Variants in GNAS observed in about 807,000 individuals in gnomAD.
The protein encoded by GNAS is protein ALEX.
GNAS carries 8 observed loss-of-function variants against 54.5 expected under a neutral mutation model. The observed-to-expected ratio is 0.15, with a 90% CI of 0.09 to 0.26. The LOEUF is 0.26. GNAS is among the 10% of genes least tolerant of loss of function. GNAS has a pLI of 1.00. For missense variants in GNAS, 170 were observed against 529.8 expected (o/e 0.32, Z 6.67); for synonymous variants, 204 against 191.4 (o/e 1.07, Z -0.54).
chr20:58,855,672 CCCGGGGCCCCGGGA>C, intron 1 of GNAS: 1 of 687,336 alleles, frequency 1.5e-6, no homozygotes, highest in Non-Finnish European at 2.7e-6. Flanking sequence ...GGGGAGGGGC[CCCGGGGCCCCGGGA>C]CTCCCCTGGC....
rs1237407522 is a variant in GNAS, at chr20:58,856,550, T to C, written c.43+15664T>C. The C allele has an allele frequency of 6.6e-6, 1 of 152,626 alleles. No individual in the cohort carries two copies. The highest frequency in any genetic ancestry group is 1.9e-4 in the East Asian group (1 of 5,192). The allele number at this position is 152,626 out of a possible 1,614,324, so 9.5% of individuals were successfully genotyped here. ...TAAAATAAAAGTTTTCAAAAAATGCTCTGAGTGTATTTGAAGTGTGTGGAC... is the reference window on the plus strand; with the variant it reads ...TAAAATAAAAGTTTTCAAAAAATGCCCTGAGTGTATTTGAAGTGTGTGGAC... On this transcript the variant is annotated intron_variant, in intron 1 of 12. Transcript: ENST00000306090. The surrounding 1 kb of genome is among the most constrained non-coding windows in gnomAD (Gnocchi z 4.2).
At chr20:58,843,746 T>C (rs2085833662) in intron 1 of GNAS, among the ~76,000 whole-genome samples, 1 of 152,216 alleles carries the variant, frequency 6.6e-6, no homozygotes, top group South Asian at 2.1e-4. Flanking sequence ...ATTTGCTTAA[T>C]GGAAATTTGC....
Position 58,909,094 on chromosome 20 carries a change from A to C in GNAS, c.531-68A>C. ...TTCCGTTGAGCCTGACCTTGTAGAGAGACACAAATAGTTGGCAAATTGATG... is the reference window on the plus strand; with the variant it reads ...TTCCGTTGAGCCTGACCTTGTAGAGCGACACAAATAGTTGGCAAATTGATG... On this transcript the variant is annotated intron_variant, in intron 6 of 12. Transcript: ENST00000371085. This position sits in a 1 kb window ranked among gnomAD's most constrained non-coding sequence, Gnocchi z 7.3. 7.6e-7 allele frequency: 1 copy of C among 1,312,438 alleles called. No homozygotes were observed. Among genetic ancestry groups the C allele is most frequent in the South Asian group, 1.2e-5 (1 of 85,000 alleles). 81.3% of individuals were successfully genotyped at this position (1,312,438 alleles called of 1,614,324 possible). A position where few individuals can be genotyped will look rare whatever the true frequency, so the allele number is the denominator to read the frequency against.
At chr20:58,899,446 A>G (rs775749563) in intron 3 of GNAS, 1 of 537,046 alleles carries the variant, frequency 1.9e-6, no homozygotes, top group Non-Finnish European at 3.7e-6. Flanking sequence ...ACCGTCTTTA[A>G]TTTTGAAAAA....
Position 58,909,637 on chromosome 20 carries a change from G to GA in GNAS, c.719-46dup, listed in dbSNP as rs1261293426. The stretch of plus-strand genomic sequence containing the variant: ...AACGCTTTGCTTCTGTGTTGTTAGG[G>GA]ATCAGGGTCGCTGCTCACGCTCTTG... On this transcript the variant is annotated intron_variant, in intron 9 of 12. Transcript: ENST00000371085. This position sits in a 1 kb window ranked among gnomAD's most constrained non-coding sequence, Gnocchi z 7.3. The GA allele has an allele frequency of 1.2e-6, 2 of 1,614,004 alleles. No individual in the cohort carries two copies. The highest frequency in any genetic ancestry group is 1.7e-6 in the Non-Finnish European group (2 of 1,179,998).
At chr20:58,845,861 G>A (rs1361727530) in intron 1 of GNAS, among the ~76,000 whole-genome samples, 2 of 152,224 alleles carry the variant, frequency 1.3e-5, no homozygotes, top group Admixed American at 6.5e-5. Flanking sequence ...AGCCAGCAGA[G>A]GCAGGACTCT....
intron 1 of GNAS, among the ~76,000 whole-genome samples, chr20:58,852,078 C>T (rs1405501661): frequency 6.6e-6 from 1 of 152,064 alleles, no homozygotes; most frequent in Non-Finnish European, 1.5e-5. Flanking sequence ...GTGAGGTCCT[C>T]CTCTGCGCAG....
intron 6 of GNAS, among the ~76,000 whole-genome samples, chr20:58,907,284 A>G (rs192945384): frequency 5.3e-5 from 8 of 152,312 alleles, no homozygotes; most frequent in African/African-American, 1.7e-4. Context: ...GCAAATGTGT[A>G]TATTTTTTCA....
intron 1 of GNAS, among the ~76,000 whole-genome samples, chr20:58,883,414 T>C (rs955984537): frequency 6.6e-6 from 1 of 152,150 alleles, no homozygotes; most frequent in Non-Finnish European, 1.5e-5. Flanking sequence ...CTTCCCAGTA[T>C]TGGGCGGCGT....
chr20:58,858,864 G>A (rs1314971499), intron 1 of GNAS, among the ~76,000 whole-genome samples: 1 of 151,926 alleles, frequency 6.6e-6, no homozygotes, highest in African/African-American at 2.4e-5. Flanking sequence ...TTTTGGTGTG[G>A]TAGGAAGGAC....
rs531887429 is a variant in GNAS at position 58,874,588 on chromosome 20, C to G, written c.44-21024C>G. Among the ~76,000 whole-genome samples, 3 of 152,308 alleles carry G rather than the reference C, an allele frequency of 2.0e-5. No homozygotes were observed. In the East Asian group the frequency reaches 5.8e-4, roughly 29 times the overall value. ...GGCTGGCCCCCGTCTTAGCTCTAGC[C>G]TTACATCTTAGCTCCTGGCCTGCCC... On this transcript the variant is annotated intron_variant, in intron 1 of 12. Coordinates refer to the GNAS transcript ENST00000306090.
rs1294653012 is a variant in GNAS, at chr20:58,911,124, A to T, written c.*295A>T. The T allele has an allele frequency of 1.8e-6, 1 of 556,836 alleles. No homozygotes were observed. Among genetic ancestry groups the T allele is most frequent in the African/African-American group, 1.9e-5 (1 of 53,234 alleles). The allele number at this position is 556,836 out of a possible 1,614,324, so 34.5% of individuals were successfully genotyped here. A position where few individuals can be genotyped will look rare whatever the true frequency, so the allele number is the denominator to read the frequency against. On this transcript the variant is annotated 3_prime_UTR_variant, in exon 13 of 13. Coordinates refer to ENST00000371085, the MANE Select transcript of GNAS (RefSeq NM_000516.7). ...ACAAATAAAATGAAATAAAAGAAACAAATGAAATAAATATTGTGTTGTGCA... is the reference window on the plus strand; with the variant it reads ...ACAAATAAAATGAAATAAAAGAAACTAATGAAATAAATATTGTGTTGTGCA...
At chr20:58,903,850 A>C in intron 5 of GNAS, 59 bp downstream of exon 5, 1 of 1,596,544 alleles carries the variant, frequency 6.3e-7, no homozygotes, top group Non-Finnish European at 8.6e-7. Flanking sequence ...CAGTGTCCAT[A>C]TAGGAACATG....
chr20:58,855,248 A>G (rs1382472161), intron 1 of GNAS: 7 of 1,590,896 alleles, frequency 4.4e-6, no homozygotes, highest in Non-Finnish European at 3.4e-6. Context: ...AGAAGCGCGC[A>G]GAGAAGAAAC....
rs1202461698 is a variant in GNAS at position 58,856,368 on chromosome 20, G to C, written c.43+15482G>C. On this transcript the variant is annotated intron_variant, in intron 1 of 12. Transcript: ENST00000306090. This position sits in a 1 kb window ranked among gnomAD's most constrained non-coding sequence, Gnocchi z 4.2. ...GGGCTGGTTCCAAGGGGGTGGGCGT[G>C]GCTGTGTTTAAAAAATATGAAATAA... is the stretch of plus-strand genomic sequence containing the variant. The C allele has an allele frequency of 6.6e-6, 1 of 152,594 alleles. No individual in the cohort carries two copies. Among genetic ancestry groups the C allele is most frequent in the Non-Finnish European group, 1.5e-5 (1 of 68,074 alleles). 9.5% of individuals were successfully genotyped at this position (152,594 alleles called of 1,614,324 possible).
chr20:58,844,535 C>A (rs909265231), intron 1 of GNAS, among the ~76,000 whole-genome samples: 2 of 152,152 alleles, frequency 1.3e-5, no homozygotes, highest in Non-Finnish European at 2.9e-5. Flanking sequence ...GGTCAAGTGG[C>A]CTTAGGTCAG....
intron 1 of GNAS, among the ~76,000 whole-genome samples, chr20:58,881,090 G>A (rs1448688658): frequency 6.6e-6 from 1 of 152,184 alleles, no homozygotes; most frequent in East Asian, 1.9e-4. Flanking sequence ...GTATCTTGTT[G>A]AAATGATGCA....
In GNAS at chr20:58,909,296, T is replaced by G; in HGVS notation, c.586-54T>G. On this transcript the variant is annotated intron_variant, in intron 7 of 12. Coordinates refer to ENST00000371085, the MANE Select transcript of GNAS (RefSeq NM_000516.7). The surrounding 1 kb of genome is among the most constrained non-coding windows in gnomAD (Gnocchi z 7.3). Reference sequence around the variant, plus strand: ...CAGACCTTTGCTTTAGATTGGCAATTATTACTGTTTCGGTTGGCTTTGGTG... The same window carrying G: ...CAGACCTTTGCTTTAGATTGGCAATGATTACTGTTTCGGTTGGCTTTGGTG... 1 of 1,586,048 alleles carries G rather than the reference T, an allele frequency of 6.3e-7. No homozygotes were observed. Among genetic ancestry groups the G allele is most frequent in the Non-Finnish European group, 8.7e-7 (1 of 1,154,448 alleles).
At chr20:58,840,468 CCGAGACCGACTT>C (rs753062074), upstream of GNAS, 8 of 1,613,450 alleles carry the variant, frequency 5.0e-6, no homozygotes, top group East Asian at 2.2e-5. This position sits in a 1 kb window ranked among gnomAD's most constrained non-coding sequence, Gnocchi z 6.0. Context: ...GAAATCGAGT[CCGAGACCGACTT>C]CGAGACCGAG....
Sources: gnomAD v4.1 joint callset for allele counts (sites outside exome capture counted in the v4.1 genomes callset) on GRCh38, gnomAD v4.1.1 for gene constraint, Gnocchi (gnomAD v3.1) non-coding constraint, MANE v1.5 for transcripts, NCBI Gene and HGNC (gene_info 2026-07-23, HGNC 2026-07-21) for gene names.